The following MAPK8IP3 variants were observed in gnomAD, a reference collection of about 807,000 sequenced individuals.
The protein encoded by MAPK8IP3 is mitogen-activated protein kinase 8 interacting protein 3, also known as C-Jun-amino-terminal kinase-interacting protein 3.
MAPK8IP3 carries 49 observed loss-of-function variants against 157.8 expected under a neutral mutation model. The observed-to-expected ratio is 0.31, with a 90% confidence interval of 0.25 to 0.39. The LOEUF (loss-of-function observed/expected upper bound fraction) is 0.39. Ranked by LOEUF, MAPK8IP3 falls within the 10% of genes least tolerant of loss-of-function variation. The pLI, the probability that MAPK8IP3 is intolerant of heterozygous loss-of-function variation, is 1.00. For missense variants in MAPK8IP3, 1,478 were observed against 1,889.4 expected, an observed-to-expected ratio of 0.78 and a Z score of 4.04; for synonymous variants, 897 against 777.7, an observed-to-expected ratio of 1.15 and a Z score of -2.55.
chr16:1,762,870 C>A lies in MAPK8IP3; in HGVS notation c.1762C>A (p.Pro588Thr), dbSNP rs573495601. Residue 588 changes from proline (P) to threonine (T), a missense_variant, in exon 16 of 32, where the codon CCT becomes ACT. Physicochemically the swap from Pro to Thr is conservative, Grantham distance 38. Around this residue, in one of 11 missense-constraint regions of MAPK8IP3, gnomAD observed 669 missense variants for 759.8 expected, o/e 0.88. Coordinates refer to ENST00000610761, the MANE Select transcript of MAPK8IP3 (RefSeq NM_001318852.2). ...SRLFSSSSSP[P>T]PAKRPYPSVN... The stretch of plus-strand genomic sequence containing the variant: ...CCTCTTCAGCTCTTCCTCCAGCCCC[C>A]CTCCGGCCAAGCGCCCCTATCCCTC... The A allele has an allele frequency of 1.8e-5, 29 of 1,613,120 alleles. No homozygotes were observed. The highest frequency in any genetic ancestry group is 3.3e-5 in the Admixed American group (2 of 60,004).
At chr16:1,760,237 A>T (rs1054971325) in intron 11 of MAPK8IP3, 143 bp from the exon 12 acceptor site, 1 of 1,123,486 alleles carries the variant, frequency 8.9e-7, no homozygotes, top group Non-Finnish European at 1.3e-6. Context: ...TTTAGCTAAG[A>T]TGGGGATGGG....
At chr16:1,709,491 G>GAA (rs2037618364) in intron 1 of MAPK8IP3, among the ~76,000 whole-genome samples, 1 of 152,286 alleles carries the variant, frequency 6.6e-6, no homozygotes, top group Non-Finnish European at 1.5e-5. Flanking sequence ...ATGTAGCAGA[G>GAA]TCAGGGCAGA....
At chr16:1,719,104 G>T (rs1183871186) in intron 1 of MAPK8IP3, among the ~76,000 whole-genome samples, 1 of 152,198 alleles carries the variant, frequency 6.6e-6, no homozygotes. Flanking sequence ...CTCCCAAGTA[G>T]CTGGGACTAT....
chr16:1,716,314 T>C (rs2142295384), intron 1 of MAPK8IP3, among the ~76,000 whole-genome samples: 1 of 150,686 alleles, frequency 6.6e-6, no homozygotes, highest in African/African-American at 2.4e-5. Context: ...TCATTTCTTT[T>C]TTTTTTTTTT....
chr16:1,764,527 T>G (rs2042144756), intron 19 of MAPK8IP3, 68 bp downstream of exon 19: 2 of 1,550,554 alleles, frequency 1.3e-6, no homozygotes. Flanking sequence ...CTGCAGAGCA[T>G]GCTGGGAGTG....
Position 1,769,308 on chromosome 16 carries a change from TTGCCCAGGGAGGTGGGCCTCAGGC to T in MAPK8IP3, c.*493_*516del. 5.9e-6 allele frequency: 1 copy of T among 168,168 alleles called. No homozygotes were observed. Among genetic ancestry groups the T allele is most frequent in the Non-Finnish European group, 1.3e-5 (1 of 77,318 alleles). The allele number at this position is 168,168 out of a possible 1,614,324, so 10.4% of individuals were successfully genotyped here. On this transcript the variant is annotated 3_prime_UTR_variant, in exon 32 of 32. Coordinates refer to ENST00000610761, the MANE Select transcript of MAPK8IP3 (RefSeq NM_001318852.2). ...GGGGAGCTGGGCCAGGCACTAGCCT[TTGCCCAGGGAGGTGGGCCTCAGGC>T]TGCCCAGGTGCCTGCACCCCAGCCG...
chr16:1,744,428 C>G, intron 5 of MAPK8IP3: 1 of 985,956 alleles, frequency 1.0e-6, no homozygotes. Context: ...GGCTCCTGCT[C>G]CGTCAGCCCA....
At position 1,748,305 on chromosome 16, in the gene MAPK8IP3, G is replaced by A. The variant is rs749308855; in HGVS notation, c.1056G>A (p.Leu352=). The change falls in exon 7 of 32, where the codon CTG becomes CTA. Residue 352 remains leucine, a synonymous_variant. Transcript: ENST00000610761. ...ACATTATTGACTCCACGCCAGAGCTGGACATGTGTCCAGAGACCCGCCTGG... is the reference window on the plus strand; with the variant it reads ...ACATTATTGACTCCACGCCAGAGCTAGACATGTGTCCAGAGACCCGCCTGG... ...VQDIIDSTPE[L]DMCPETRLDR... 1.2e-6 allele frequency: 2 copies of A among 1,613,970 alleles called. No individual in the cohort carries two copies. Among genetic ancestry groups the A allele is most frequent in the Non-Finnish European group, 1.7e-6 (2 of 1,180,016 alleles).
In MAPK8IP3 at chr16:1,710,730, C is replaced by T; in HGVS notation, c.318+4073C>T. Reference sequence around the variant, plus strand: ...AAATAGTAAATCCACCACTGCTTGGCCAGAGTATGCGATTTCTTTTCCTGC... The same window carrying T: ...AAATAGTAAATCCACCACTGCTTGGTCAGAGTATGCGATTTCTTTTCCTGC... On this transcript the variant is annotated intron_variant, in intron 1 of 31. Coordinates refer to ENST00000610761, the MANE Select transcript of MAPK8IP3 (RefSeq NM_001318852.2). The surrounding 1 kb of genome is among the most constrained non-coding windows in gnomAD (Gnocchi z 4.1). 6.6e-6 allele frequency among the ~76,000 whole-genome samples: 1 copy of T among 152,150 alleles called. No homozygotes were observed. Among genetic ancestry groups the T allele is most frequent in the East Asian group, 1.9e-4 (1 of 5,192 alleles).
chr16:1,732,260 C>G (rs1026715742), intron 4 of MAPK8IP3, among the ~76,000 whole-genome samples: 2 of 152,216 alleles, frequency 1.3e-5, no homozygotes, highest in African/African-American at 4.8e-5. Flanking sequence ...TGTTTCTGCC[C>G]CCAAGCCTCC....
Position 1,767,600 on chromosome 16 carries a change from G to A in MAPK8IP3, c.3274G>A (p.Val1092Met). ...CGCCCACCCGCGGCGGGAGAGCCAG[G>A]TGCGGCAGCTGGCGTGGATCGGCGA... is the stretch of plus-strand genomic sequence containing the variant. ...FDAHPRRESQVRQLAWIGDGV... is the reference protein window; with the variant it reads ...FDAHPRRESQMRQLAWIGDGV... Residue 1092 changes from valine to methionine, a missense_variant, in exon 27 of 32, where the codon GTG (valine) becomes ATG (methionine). This residue lies in a region of MAPK8IP3 where 68 missense variants were observed against 125.1 expected (regional missense o/e 0.54). Transcript: ENST00000610761. 6.2e-7 allele frequency: 1 copy of A among 1,612,476 alleles called. No homozygotes were observed. The highest frequency in any genetic ancestry group is 8.5e-7 in the Non-Finnish European group (1 of 1,179,912).
intron 4 of MAPK8IP3, among the ~76,000 whole-genome samples, chr16:1,738,600 CTGTG>C (rs1446962981): frequency 1.7e-5 from 2 of 114,382 alleles, no homozygotes; most frequent in African/African-American, 3.5e-5. Context: ...ATGTGAGCAT[CTGTG>C]TGACCGTCCG....
chr16:1,752,941 C>T (rs1186966138), intron 8 of MAPK8IP3, among the ~76,000 whole-genome samples: 1 of 152,204 alleles, frequency 6.6e-6, no homozygotes. Context: ...ATGTCCAGCT[C>T]AGCTGCAGAA....
chr16:1,764,221 G>A lies in MAPK8IP3; in HGVS notation c.2121+11G>A. ...GACCCCACCATGAAGGTGAGCCCGC[G>A]AGGACCCCGCTCAGGCTGGCTGGGC... is the stretch of plus-strand genomic sequence containing the variant. On this transcript the variant is annotated intron_variant, in intron 18 of 31. Coordinates refer to ENST00000610761, the MANE Select transcript of MAPK8IP3 (RefSeq NM_001318852.2). The A allele has an allele frequency of 6.2e-7, 1 of 1,608,736 alleles. No individual in the cohort carries two copies. Among genetic ancestry groups the A allele is most frequent in the Non-Finnish European group, 8.5e-7 (1 of 1,177,974 alleles).
intron 1 of MAPK8IP3, among the ~76,000 whole-genome samples, chr16:1,712,837 G>C (rs2037881021): frequency 6.6e-6 from 1 of 152,230 alleles, no homozygotes; most frequent in Non-Finnish European, 1.5e-5. Flanking sequence ...CAGTGCACCT[G>C]CAGAGAAGCC....
At position 1,743,531 on chromosome 16, in the gene MAPK8IP3, G is replaced by A. The variant is rs759947040; in HGVS notation, c.747+55G>A. 26 of 1,581,524 alleles carry A rather than the reference G, an allele frequency of 1.6e-5. No individual in the cohort carries two copies. Among genetic ancestry groups the A allele is most frequent in the East Asian group, 1.6e-4 (7 of 42,652 alleles). On this transcript the variant is annotated intron_variant, in intron 5 of 31. Coordinates refer to ENST00000610761, the MANE Select transcript of MAPK8IP3 (RefSeq NM_001318852.2). The surrounding 1 kb of genome is among the most constrained non-coding windows in gnomAD (Gnocchi z 5.6). ...CTCCTCCCTGTTGCTGGTGTTCCCC[G>A]TTCACTGGGGCGGGAGCCTCGTCTG...
chr16:1,733,780 A>G (rs2141757947), intron 4 of MAPK8IP3, among the ~76,000 whole-genome samples: 1 of 152,308 alleles, frequency 6.6e-6, no homozygotes, highest in East Asian at 1.9e-4. Flanking sequence ...CACTCCCCTC[A>G]GGGAACCAGA....
chr16:1,739,058 G>T (rs2040376876), intron 4 of MAPK8IP3, among the ~76,000 whole-genome samples: 1 of 131,512 alleles, frequency 7.6e-6, no homozygotes, highest in South Asian at 3.1e-4. Context: ...GTGTGAGCGT[G>T]TGAGCGTCCG....
rs1320440377 is a variant in MAPK8IP3, at chr16:1,767,574, A to G, written c.3248A>G (p.Asp1083Gly). Residue 1083 changes from aspartate (D) to glycine (G), a missense_variant, in exon 27 of 32, where the codon GAC becomes GGC. Transcript: ENST00000610761. Reference protein sequence around the residue: ...PKTMQIEKSFDAHPRRESQVR... With the variant: ...PKTMQIEKSFGAHPRRESQVR... The stretch of plus-strand genomic sequence containing the variant: ...GCCATGACTCCACAGAAGTCATTTG[A>G]CGCCCACCCGCGGCGGGAGAGCCAG... 6.2e-7 allele frequency: 1 copy of G among 1,611,706 alleles called. No individual in the cohort carries two copies. The highest frequency in any genetic ancestry group is 8.5e-7 in the Non-Finnish European group (1 of 1,179,562).
Sources: allele counts gnomAD v4.1 joint callset (sites outside exome capture counted in the v4.1 genomes callset), GRCh38; gene constraint gnomAD v4.1.1; regional missense constraint gnomAD v4.1.1; non-coding constraint Gnocchi (gnomAD v3.1); transcripts MANE v1.5; gene names NCBI Gene and HGNC (gene_info 2026-07-23, HGNC 2026-07-21).